The following PLSCR1 variants were observed in gnomAD, a reference collection of about 807,000 sequenced individuals.
PLSCR1 encodes the protein PL scramblase 1.
PLSCR1 carries 17 observed loss-of-function variants against 37.8 expected under a neutral mutation model. That is an observed-to-expected ratio of 0.45 (90% CI 0.31 to 0.68). The LOEUF is 0.68. PLSCR1 is among the 30% of genes least tolerant of loss of function. The probability of loss-of-function intolerance (pLI) is 0.06; values close to 1 mark genes in which losing one functional copy is unlikely to be tolerated. For missense variants in PLSCR1, 347 were observed against 380.9 expected, an observed-to-expected ratio of 0.91 and a Z score of 0.74; for synonymous variants, 116 against 125.9, an observed-to-expected ratio of 0.92 and a Z score of 0.53.
intron 1 of PLSCR1, among the ~76,000 whole-genome samples, chr3:146,538,739 CAG>C (rs1314459488): frequency 5.9e-5 from 9 of 151,720 alleles, no homozygotes; most frequent in African/African-American, 2.2e-4. Flanking sequence ...TTTTGGCAAA[CAG>C]ACTACTCAAC....
At chr3:146,528,483 A>G (rs757002578) in intron 4 of PLSCR1, 131 bp downstream of exon 4, 37 of 719,944 alleles carry the variant, frequency 5.1e-5, no homozygotes, top group Non-Finnish European at 8.2e-5. Flanking sequence ...TAGAAGAATT[A>G]GAGTAATCTG....
At chr3:146,522,408 C>T (rs1277468645) in intron 5 of PLSCR1, among the ~76,000 whole-genome samples, 6 of 152,090 alleles carry the variant, frequency 3.9e-5, no homozygotes, top group African/African-American at 1.4e-4. Context: ...CCTGTGCTCC[C>T]TGAAACATGT....
chr3:146,523,397 A>T (rs80236968), intron 5 of PLSCR1, among the ~76,000 whole-genome samples: 1 of 152,204 alleles, frequency 6.6e-6, no homozygotes, highest in Non-Finnish European at 1.5e-5. Flanking sequence ...TGTAATGTGG[A>T]GGGGAATATA....
Position 146,531,314 on chromosome 3 carries a change from G to C in PLSCR1, c.94+2156C>G, listed in dbSNP as rs556610724. ...CAGGCTCAAGAGGAAGTTAAAGAGA[G>C]AGCATGGAAAAGGCCATCCTGAGTT... On this transcript the variant is annotated intron_variant, in intron 3 of 8. Transcript: ENST00000342435. 1.1e-4 allele frequency among the ~76,000 whole-genome samples: 17 copies of C among 152,304 alleles called. No individual in the cohort carries two copies. The South Asian group carries it at 3.5e-3, about 32-fold the overall frequency.
intron 3 of PLSCR1, among the ~76,000 whole-genome samples, chr3:146,531,904 T>C (rs551340120): frequency 1.3e-5 from 2 of 152,186 alleles, no homozygotes; most frequent in African/African-American, 2.4e-5. Flanking sequence ...TGAAGCCTGA[T>C]ACAAACTTCC....
intron 1 of PLSCR1, among the ~76,000 whole-genome samples, chr3:146,542,186 C>G (rs750081724): frequency 2.0e-5 from 3 of 152,168 alleles, no homozygotes; most frequent in Non-Finnish European, 2.9e-5. Flanking sequence ...AGTAGGCTAT[C>G]TGCCACCTCA....
At chr3:146,517,770 A>G in intron 7 of PLSCR1, among the ~76,000 whole-genome samples, 1 of 152,160 alleles carries the variant, frequency 6.6e-6, no homozygotes, top group East Asian at 1.9e-4. Flanking sequence ...TGAAGAGTGT[A>G]TGAACAAATG....
rs2108615369 is a variant in PLSCR1 at position 146,516,912 on chromosome 3, TA to T, written c.900+93del. ...ATCCTGATTTAAAATCTATAAATTTTAAAATGTCATTTTGAAATATACACTT... is the reference window on the plus strand; with the variant it reads ...ATCCTGATTTAAAATCTATAAATTTTAAATGTCATTTTGAAATATACACTT... On this transcript the variant is annotated intron_variant, in intron 8 of 8. Transcript: ENST00000342435. 9 of 856,914 alleles carry T rather than the reference TA, an allele frequency of 1.1e-5. No individual in the cohort carries two copies. The South Asian group carries it at 1.2e-4, about 11-fold the overall frequency. The allele number at this position is 856,914 out of a possible 1,614,324, so 53.1% of individuals were successfully genotyped here.
In PLSCR1 at chr3:146,517,020, C is replaced by T. The variant is rs537144943; in HGVS notation, c.886G>A (p.Ala296Thr). 1.6e-5 allele frequency: 26 copies of T among 1,591,664 alleles called. No homozygotes were observed. The South Asian group carries it at 2.9e-4, about 17-fold the overall frequency. Residue 296 changes from alanine to threonine, a missense_variant, in exon 8 of 9, where the codon GCC becomes ACC. Ala to Thr is a moderately conservative substitution (Grantham distance 58). Coordinates refer to ENST00000342435, the MANE Select transcript of PLSCR1 (RefSeq NM_021105.3). ...DVKMKAVMIG[A>T]CFLIDFMFFE... ...AACAGACTTACAATGAGGAAACAGG[C>T]ACCAATCATTACAGCTTTCATTTTA... is the stretch of plus-strand genomic sequence containing the variant.
At chr3:146,528,304 C>A (rs1181227402) in intron 4 of PLSCR1, 1 of 336,136 alleles carries the variant, frequency 3.0e-6, no homozygotes, top group African/African-American at 2.1e-5. Context: ...ACATCACAGA[C>A]TTTCAATAAG....
chr3:146,520,736 A>C (rs1299828649), intron 7 of PLSCR1, among the ~76,000 whole-genome samples: 1 of 152,178 alleles, frequency 6.6e-6, no homozygotes, highest in Admixed American at 6.5e-5. Context: ...AGACAGTGGT[A>C]GAGTTCCCAT....
rs1157532174 is a variant in PLSCR1 at position 146,517,053 on chromosome 3, G to A, written c.853C>T (p.Leu285Phe). 1.9e-6 allele frequency: 3 copies of A among 1,603,150 alleles called. No individual in the cohort carries two copies. Among genetic ancestry groups the A allele is most frequent in the Non-Finnish European group, 2.6e-6 (3 of 1,174,086 alleles). Residue 285 changes from leucine to phenylalanine, a missense_variant, in exon 8 of 9, where the codon CTT becomes TTT. Transcript: ENST00000342435. The part of the protein sequence containing the change: ...DNFGIQFPLD[L>F]DVKMKAVMIG... Reference sequence around the variant, plus strand: ...ATTACAGCTTTCATTTTAACATCAAGGTCTAAAGGGAACTGGATTCCAAAG... The same window carrying A: ...ATTACAGCTTTCATTTTAACATCAAAGTCTAAAGGGAACTGGATTCCAAAG...
chr3:146,531,817 C>T (rs190574953), intron 3 of PLSCR1, among the ~76,000 whole-genome samples: 14 of 152,222 alleles, frequency 9.2e-5, no homozygotes, highest in African/African-American at 2.9e-4. Flanking sequence ...TACCACATAA[C>T]TATTAGTACA....
At chr3:146,525,473 A>AT in intron 5 of PLSCR1, 132 bp downstream of exon 5, 1 of 606,172 alleles carries the variant, frequency 1.6e-6, no homozygotes, top group East Asian at 3.2e-5. Flanking sequence ...TGCTGATAAC[A>AT]TTTATTATTG....
intron 3 of PLSCR1, among the ~76,000 whole-genome samples, chr3:146,529,297 G>C (rs1244904870): frequency 1.3e-5 from 2 of 152,102 alleles, no homozygotes; most frequent in African/African-American, 2.4e-5. Context: ...ACTGGGGGTA[G>C]TTTTGCCCCC....
At chr3:146,537,195 C>G (rs921691955) in intron 1 of PLSCR1, among the ~76,000 whole-genome samples, 6 of 151,948 alleles carry the variant, frequency 3.9e-5, no homozygotes, top group South Asian at 2.1e-4. Flanking sequence ...CCAAGTGAAA[C>G]TTTGTACTCG....
intron 2 of PLSCR1, among the ~76,000 whole-genome samples, chr3:146,534,418 A>C (rs2044239092): frequency 6.6e-6 from 1 of 152,186 alleles, no homozygotes; most frequent in Non-Finnish European, 1.5e-5. Flanking sequence ...AGAATCATGG[A>C]GACATGGCAT....
At chr3:146,542,656 T>C (rs906341222) in intron 1 of PLSCR1, among the ~76,000 whole-genome samples, 91 of 152,196 alleles carry the variant, frequency 6.0e-4, no homozygotes, top group African/African-American at 2.1e-3. Flanking sequence ...ATATGGAAAA[T>C]TGAAGAGTGC....
chr3:146,536,006 A>T (rs1008392045), intron 2 of PLSCR1, among the ~76,000 whole-genome samples: 2 of 152,290 alleles, frequency 1.3e-5, no homozygotes, highest in Admixed American at 6.5e-5. Flanking sequence ...CAGAACCTTG[A>T]TATCTTAATA....
Sources: allele counts gnomAD v4.1 joint callset (sites outside exome capture counted in the v4.1 genomes callset), GRCh38; gene constraint gnomAD v4.1.1; transcripts MANE v1.5; gene names NCBI Gene and HGNC (gene_info 2026-07-23, HGNC 2026-07-21).